Variants in ARHGEF33 observed in about 807,000 individuals in gnomAD.
The protein encoded by ARHGEF33 is Rho guanine nucleotide exchange factor 33, also known as DH and coiled-coil domain-containing protein ENSP00000381780.
In ARHGEF33, 72 loss-of-function variants were observed where a neutral mutation model predicts 101.9. The observed-to-expected ratio is 0.71, with a 90% CI of 0.58 to 0.86. The LOEUF (loss-of-function observed/expected upper bound fraction) is 0.86, where lower values mean the gene tolerates loss of function less well. Among genes scored for constraint, ARHGEF33 ranks in the 40% least tolerant of loss-of-function variants. The probability of loss-of-function intolerance (pLI) is 0.00; values close to 1 mark genes in which losing one functional copy is unlikely to be tolerated. For missense variants in ARHGEF33, 1,169 were observed against 1,111.3 expected (o/e 1.05, Z -0.74); for synonymous variants, 499 against 442.5 (o/e 1.13, Z -1.60).
intron 17 of ARHGEF33, among the ~76,000 whole-genome samples, chr2:38,968,622 T>G (rs543776317): frequency 7.2e-5 from 11 of 152,230 alleles, no homozygotes; most frequent in Non-Finnish European, 1.6e-4. Context: ...GCCAGTGGAT[T>G]CCCTTAGTCC....
chr2:38,948,675 C>T (rs1572768583), intron 10 of ARHGEF33, among the ~76,000 whole-genome samples: 1 of 152,334 alleles, frequency 6.6e-6, no homozygotes, highest in South Asian at 2.1e-4. Flanking sequence ...GACAATTCTT[C>T]ACAAAGTCAG....
In ARHGEF33 at chr2:38,944,067, A is replaced by G. The variant is rs1352092650; in HGVS notation, c.920+37A>G. On this transcript the variant is annotated intron_variant, in intron 10 of 17. Transcript: ENST00000409978. ...CTCATTGCCTTTGCTTTTCAGATTGATTAGGATTTAAGGTAAGTGGTTTAT... is the reference window on the plus strand; with the variant it reads ...CTCATTGCCTTTGCTTTTCAGATTGGTTAGGATTTAAGGTAAGTGGTTTAT... 2.0e-6 allele frequency: 3 copies of G among 1,527,890 alleles called. No individual in the cohort carries two copies. The African/African-American group carries it at 4.2e-5, about 21-fold the overall frequency. 94.6% of individuals were successfully genotyped at this position (1,527,890 alleles called of 1,614,324 possible). A position where few individuals can be genotyped will look rare whatever the true frequency, so the allele number is the denominator to read the frequency against.
intron 15 of ARHGEF33, 147 bp downstream of exon 15, chr2:38,958,345 G>A: frequency 1.9e-6 from 2 of 1,029,380 alleles, no homozygotes; most frequent in Non-Finnish European, 2.8e-6. Context: ...CCGATTCTTG[G>A]GTCCCAGAGG....
At chr2:38,931,050 C>T (rs1666987712) in intron 6 of ARHGEF33, 59 bp from the exon 7 acceptor site, 1 of 1,354,688 alleles carries the variant, frequency 7.4e-7, no homozygotes, top group Non-Finnish European at 1.0e-6. Flanking sequence ...ACTGAATCTC[C>T]TCATAACCTA....
In ARHGEF33 at chr2:38,931,114, C is replaced by G; in HGVS notation, c.368C>G (p.Thr123Ser). Residue 123 changes from threonine (T) to serine (S), a missense_variant, in exon 7 of 18, where the codon ACT becomes AGT. Thr to Ser is a moderately conservative substitution (Grantham distance 58, BLOSUM62 1). Transcript: ENST00000409978. The part of the protein sequence containing the change: ...RESRKVKAKK[T>S]QKEEHSSQAG... ...TCTTTGTTTCTCTTTCCTAGGAAAA[C>G]TCAAAAAGAAGAGCACAGCTCACAG... 1.9e-6 allele frequency: 3 copies of G among 1,542,626 alleles called. No individual in the cohort carries two copies. The highest frequency in any genetic ancestry group is 2.6e-6 in the Non-Finnish European group (3 of 1,144,682).
chr2:38,911,987 C>A (rs893131591), intron 2 of ARHGEF33, among the ~76,000 whole-genome samples: 1 of 152,222 alleles, frequency 6.6e-6, no homozygotes, highest in Non-Finnish European at 1.5e-5. Context: ...CAGAACCCTA[C>A]CAGCTTGGTG....
chr2:38,916,619 G>A (rs1188344385), intron 2 of ARHGEF33, among the ~76,000 whole-genome samples: 1 of 152,110 alleles, frequency 6.6e-6, no homozygotes, highest in Non-Finnish European at 1.5e-5. Context: ...ACAGCATATG[G>A]CCTTGACTTT....
At chr2:38,946,211 G>A (rs1036544771) in intron 10 of ARHGEF33, among the ~76,000 whole-genome samples, 2 of 152,158 alleles carry the variant, frequency 1.3e-5, no homozygotes, top group African/African-American at 4.8e-5. Context: ...GAAGATTTGG[G>A]TAGATAAAGA....
rs1209209319 is a variant in ARHGEF33 at position 38,974,781 on chromosome 2, A to G, written c.*938A>G. 2.0e-5 allele frequency: 3 copies of G among 152,240 alleles called. No homozygotes were observed. The highest frequency in any genetic ancestry group is 2.9e-5 in the Non-Finnish European group (2 of 68,038). 9.4% of individuals were successfully genotyped at this position (152,240 alleles called of 1,614,324 possible). ...ATGGCTCACACACAGCAGTTGCTAC[A>G]AACAGCAGGTCAAAGTGAAAATTCA... On this transcript the variant is annotated 3_prime_UTR_variant, in exon 18 of 18. Coordinates refer to ENST00000409978, the MANE Select transcript of ARHGEF33 (RefSeq NM_001145451.5).
At chr2:38,957,140 T>G (rs1364402814) in intron 14 of ARHGEF33, 93 bp downstream of exon 14, 1 of 1,434,756 alleles carries the variant, frequency 7.0e-7, no homozygotes, top group Non-Finnish European at 9.5e-7. Flanking sequence ...GTACCTGAAA[T>G]GCAGTGGTGG....
At chr2:38,942,727 TA>T (rs202049126) in intron 9 of ARHGEF33, among the ~76,000 whole-genome samples, 15 of 151,938 alleles carry the variant, frequency 9.9e-5, no homozygotes, top group African/African-American at 3.1e-4. Context: ...CCCCTCCTTA[TA>T]AAAAAAATAC....
intron 2 of ARHGEF33, among the ~76,000 whole-genome samples, chr2:38,912,926 A>G (rs1204961374): frequency 6.6e-6 from 1 of 152,236 alleles, no homozygotes; most frequent in Non-Finnish European, 1.5e-5. Context: ...AAATATAAAT[A>G]AAATATGAAG....
chr2:38,909,011 A>G (rs1390228629), intron 2 of ARHGEF33, among the ~76,000 whole-genome samples: 4 of 152,114 alleles, frequency 2.6e-5, no homozygotes, highest in Admixed American at 2.6e-4. Flanking sequence ...TTCCATAAAT[A>G]TTTGTTGAGA....
chr2:38,924,779 C>T (rs1327648406), intron 4 of ARHGEF33, among the ~76,000 whole-genome samples: 1 of 152,098 alleles, frequency 6.6e-6, no homozygotes, highest in Non-Finnish European at 1.5e-5. Context: ...AATATATTGC[C>T]TCTGTGACAT....
chr2:38,929,864 C>G, intron 6 of ARHGEF33, 34 bp downstream of exon 6: 1 of 1,545,096 alleles, frequency 6.5e-7, no homozygotes, highest in East Asian at 2.4e-5. Context: ...CAAAGGCAAA[C>G]CCATAAGCAA....
intron 17 of ARHGEF33, 98 bp from the exon 18 acceptor site, chr2:38,973,616 A>G (rs954561850): frequency 1.7e-5 from 23 of 1,314,640 alleles, no homozygotes; most frequent in Non-Finnish European, 2.1e-5. Context: ...CTAGGAAGCA[A>G]CTGTTTTACA....
At chr2:38,919,619 T>G in intron 3 of ARHGEF33, 147 bp downstream of exon 3, 2 of 895,128 alleles carry the variant, frequency 2.2e-6, no homozygotes, top group South Asian at 3.2e-5. Flanking sequence ...GAATATAGAC[T>G]GGGTGCTGAA....
chr2:38,935,711 G>A (rs989410500), intron 7 of ARHGEF33, 64 bp from the exon 8 acceptor site: 73 of 1,369,778 alleles, frequency 5.3e-5, no homozygotes, highest in East Asian at 3.5e-4. Context: ...TGCCAGGCTC[G>A]TGGAAGGTGC....
At chr2:38,940,294 T>A (rs957080967) in intron 9 of ARHGEF33, among the ~76,000 whole-genome samples, 3 of 152,190 alleles carry the variant, frequency 2.0e-5, no homozygotes, top group Non-Finnish European at 2.9e-5. Flanking sequence ...AATTTATTTT[T>A]ATCCATTTAG....
Sources: gnomAD v4.1 joint callset for allele counts (sites outside exome capture counted in the v4.1 genomes callset) on GRCh38, gnomAD v4.1.1 for gene constraint, MANE v1.5 for transcripts, NCBI Gene and HGNC (gene_info 2026-07-23, HGNC 2026-07-21) for gene names.